GRID1: variants seen among roughly 807,000 people sequenced by gnomAD.
The protein encoded by GRID1 is glutamate ionotropic receptor delta type subunit 1.
Under a neutral mutation model 98.0 loss-of-function variants are expected in GRID1, and 28 were observed. The ratio of observed to expected loss-of-function variants is 0.29; its 90% CI spans 0.21 to 0.39. The LOEUF is 0.39. GRID1 is among the 10% of genes least tolerant of loss of function. The pLI, the probability that GRID1 is intolerant of heterozygous loss-of-function variation, is 1.00. For synonymous variants in GRID1, 553 were observed against 538.5 expected (o/e 1.03, Z -0.37); for missense variants, 1,111 against 1,340.5 (o/e 0.83, Z 2.67).
chr10:85,652,216 C>T (rs1843280371), intron 12 of GRID1, among the ~76,000 whole-genome samples: 1 of 152,172 alleles, frequency 6.6e-6, no homozygotes, highest in African/African-American at 2.4e-5. Flanking sequence ...ACACCTTTCT[C>T]CGTAAATCAA....
At chr10:85,679,829 G>A (rs1434707470) in intron 12 of GRID1, among the ~76,000 whole-genome samples, 2 of 152,162 alleles carry the variant, frequency 1.3e-5, no homozygotes, top group African/African-American at 2.4e-5. Context: ...CAGTCAGTGG[G>A]GGGATATTAA....
chr10:85,735,903 GAGGAAGCAAGAGA>G (rs1271505259), intron 8 of GRID1, among the ~76,000 whole-genome samples: 1 of 146,646 alleles, frequency 6.8e-6, no homozygotes, highest in East Asian at 2.1e-4. Context: ...GAGGGAAAGG[GAGGAAGCAAGAGA>G]AGGAAGGAAG....
At chr10:85,673,103 A>T (rs1841105938) in intron 12 of GRID1, among the ~76,000 whole-genome samples, 1 of 152,246 alleles carries the variant, frequency 6.6e-6, no homozygotes, top group African/African-American at 2.4e-5. Context: ...TCAAGACTTC[A>T]GTGGAGGAAG....
Position 85,882,731 on chromosome 10 carries a change from C to T in GRID1, c.781-13551G>A, listed in dbSNP as rs184601611. Among the ~76,000 whole-genome samples the T allele has an allele frequency of 7.2e-4, 109 of 152,226 alleles. 1 individual carries two copies. In the East Asian group the frequency reaches 0.02, roughly 28 times the overall value. ...GGCACATGTATACATATGTAACAAA[C>T]GTGCACATTGTGCACATGTACCCTA... On this transcript the variant is annotated intron_variant, in intron 5 of 15. Transcript: ENST00000327946.
At chr10:85,684,386 T>C (rs971570329) in intron 12 of GRID1, among the ~76,000 whole-genome samples, 2 of 152,200 alleles carry the variant, frequency 1.3e-5, no homozygotes, top group Admixed American at 6.6e-5. Context: ...AAAATTAATA[T>C]AGCAATTGTA....
chr10:86,275,860 T>C (rs553215760), intron 2 of GRID1, among the ~76,000 whole-genome samples: 6 of 152,256 alleles, frequency 3.9e-5, no homozygotes, highest in African/African-American at 1.4e-4. Context: ...AGAAGAATAT[T>C]TGAAGAAATA....
At chr10:86,305,002 C>T (rs1179538635) in intron 2 of GRID1, among the ~76,000 whole-genome samples, 1 of 151,578 alleles carries the variant, frequency 6.6e-6, no homozygotes, top group Non-Finnish European at 1.5e-5. Flanking sequence ...CTAGAGGTTG[C>T]TATGAAGGTA....
chr10:85,800,140 G>T (rs560118729), intron 8 of GRID1, among the ~76,000 whole-genome samples: 1 of 148,956 alleles, frequency 6.7e-6, no homozygotes, highest in African/African-American at 2.5e-5. Context: ...TTAGTCACAA[G>T]ATATACACAT....
chr10:86,122,461 C>A (rs1305243358), intron 4 of GRID1, among the ~76,000 whole-genome samples: 6 of 152,218 alleles, frequency 3.9e-5, no homozygotes, highest in African/African-American at 1.4e-4. Flanking sequence ...CTGGGCATGG[C>A]CCCTTATGCG....
intron 2 of GRID1, among the ~76,000 whole-genome samples, chr10:86,213,762 A>G (rs541907422): frequency 6.7e-6 from 1 of 149,724 alleles, no homozygotes; most frequent in African/African-American, 2.5e-5. Context: ...CATCTGCCTG[A>G]GTTCTCCACT....
chr10:86,173,759 T>C (rs1000866478), intron 3 of GRID1, among the ~76,000 whole-genome samples: 2 of 123,974 alleles, frequency 1.6e-5, no homozygotes, highest in Admixed American at 1.0e-4. Context: ...CAGAATGTGA[T>C]GTTCCCCTTC....
At chr10:85,962,969 C>A (rs1427737818) in intron 4 of GRID1, among the ~76,000 whole-genome samples, 1 of 152,146 alleles carries the variant, frequency 6.6e-6, no homozygotes, top group African/African-American at 2.4e-5. Context: ...AAGTAATATG[C>A]TAAGTGCTCT....
At chr10:85,765,000 C>T (rs757622622) in intron 8 of GRID1, among the ~76,000 whole-genome samples, 1 of 152,146 alleles carries the variant, frequency 6.6e-6, no homozygotes, top group African/African-American at 2.4e-5. Flanking sequence ...GATTCCAGTA[C>T]ATCTTTATAC....
chr10:85,625,658 T>G (rs1355195308), intron 13 of GRID1, among the ~76,000 whole-genome samples: 1 of 152,176 alleles, frequency 6.6e-6, no homozygotes, highest in Non-Finnish European at 1.5e-5. Context: ...TCAGTCTACC[T>G]GCTCCCTGGG....
chr10:86,128,360 G>A (rs759925289), intron 4 of GRID1, among the ~76,000 whole-genome samples: 3 of 152,142 alleles, frequency 2.0e-5, no homozygotes, highest in Non-Finnish European at 4.4e-5. Flanking sequence ...GGGAATTCAT[G>A]TGTGCTTTTC....
chr10:86,347,850 G>A (rs1255143894), intron 2 of GRID1, among the ~76,000 whole-genome samples: 1 of 152,232 alleles, frequency 6.6e-6, no homozygotes, highest in Non-Finnish European at 1.5e-5. Flanking sequence ...CCCTGGAGGT[G>A]ATAGTCTCAG....
At chr10:85,781,889 C>T (rs149157464) in intron 8 of GRID1, among the ~76,000 whole-genome samples, 17 of 152,034 alleles carry the variant, frequency 1.1e-4, no homozygotes, top group African/African-American at 4.1e-4. Context: ...AATGTCTGGG[C>T]TTAGAATCCA....
At chr10:85,749,729 A>G (rs1028258409) in intron 8 of GRID1, among the ~76,000 whole-genome samples, 2 of 152,174 alleles carry the variant, frequency 1.3e-5, no homozygotes, top group African/African-American at 4.8e-5. Flanking sequence ...AGACAGTCCA[A>G]AACTATTCCC....
chr10:86,272,617 T>A (rs1847202358), intron 2 of GRID1, among the ~76,000 whole-genome samples: 1 of 152,152 alleles, frequency 6.6e-6, no homozygotes, highest in South Asian at 2.1e-4. Flanking sequence ...AACTTGGAAC[T>A]TAGACCAAAA....
Sources: gnomAD v4.1 joint callset for allele counts (sites outside exome capture counted in the v4.1 genomes callset) on GRCh38, gnomAD v4.1.1 for gene constraint, MANE v1.5 for transcripts, NCBI Gene and HGNC (gene_info 2026-07-23, HGNC 2026-07-21) for gene names.